Variants in POLDIP3 observed in about 807,000 individuals in gnomAD.
POLDIP3 encodes DNA polymerase delta interacting protein 3, also known as polymerase delta-interacting protein 3.
POLDIP3 carries 14 observed loss-of-function variants against 45.1 expected under a neutral mutation model. That is an observed-to-expected ratio of 0.31 (90% CI 0.20 to 0.49). The LOEUF (loss-of-function observed/expected upper bound fraction) is 0.49, where lower values mean the gene tolerates loss of function less well. Among genes scored for constraint, POLDIP3 ranks in the 20% least tolerant of loss-of-function variants. The pLI, the probability that POLDIP3 is intolerant of heterozygous loss-of-function variation, is 0.99. For synonymous variants in POLDIP3, 223 were observed against 205.2 expected (o/e 1.09, Z -0.74); for missense variants, 511 against 538.8 (o/e 0.95, Z 0.51).
At chr22:42,593,890 C>G (rs896412573) in intron 6 of POLDIP3, among the ~76,000 whole-genome samples, 1 of 152,176 alleles carries the variant, frequency 6.6e-6, no homozygotes, top group Non-Finnish European at 1.5e-5. Flanking sequence ...TCACGTGCAC[C>G]ATTCACAGTA....
In POLDIP3 at chr22:42,583,941, C is replaced by G. The variant is rs1925127236; in HGVS notation, c.*1850G>C. Reference sequence around the variant, plus strand: ...AGGCAAACAGGTCCCCTCAATGTACCAGATGGTCACCTATAGCACCAGCTC... The same window carrying G: ...AGGCAAACAGGTCCCCTCAATGTACGAGATGGTCACCTATAGCACCAGCTC... On this transcript the variant is annotated 3_prime_UTR_variant, in exon 9 of 9. Transcript: ENST00000252115. 6.6e-6 allele frequency: 1 copy of G among 152,244 alleles called. No individual in the cohort carries two copies. Among genetic ancestry groups the G allele is most frequent in the African/African-American group, 2.4e-5 (1 of 41,374 alleles). The allele number at this position is 152,244 out of a possible 1,614,324, so 9.4% of individuals were successfully genotyped here. A position where few individuals can be genotyped will look rare whatever the true frequency, so the allele number is the denominator to read the frequency against.
At chr22:42,594,779 G>A (rs1925881450) in intron 6 of POLDIP3, among the ~76,000 whole-genome samples, 1 of 152,184 alleles carries the variant, frequency 6.6e-6, no homozygotes, top group South Asian at 2.1e-4. Flanking sequence ...GGGTGGGACG[G>A]GATGGACCAG....
chr22:42,588,866 TC>T (rs1569295455), intron 7 of POLDIP3, among the ~76,000 whole-genome samples: 2 of 152,154 alleles, frequency 1.3e-5, no homozygotes, highest in Non-Finnish European at 2.9e-5. Context: ...AATCAGGTGA[TC>T]CGCCTGGCGG....
At chr22:42,586,182 A>G (rs903087833) in intron 8 of POLDIP3, among the ~76,000 whole-genome samples, 5 of 152,140 alleles carry the variant, frequency 3.3e-5, no homozygotes, top group African/African-American at 1.2e-4. Flanking sequence ...CAGCCTCCTA[A>G]GGAGCTAGGA....
chr22:42,588,199 T>G (rs573976072), intron 7 of POLDIP3, among the ~76,000 whole-genome samples: 25 of 152,294 alleles, frequency 1.6e-4, no homozygotes, highest in African/African-American at 6.0e-4. Context: ...CTCACGCCTG[T>G]AATCCCAGCA....
intron 6 of POLDIP3, among the ~76,000 whole-genome samples, chr22:42,592,751 TTA>T: frequency 6.6e-6 from 1 of 152,320 alleles, no homozygotes; most frequent in Non-Finnish European, 1.5e-5. Context: ...GAGATAATTT[TTA>T]AGGCAGTGCT....
intron 4 of POLDIP3, chr22:42,597,780 CTTTTTT>C (rs137103): frequency 7.4e-5 from 29 of 392,310 alleles, no homozygotes; most frequent in Admixed American, 1.3e-4. Context: ...TTCACGACCT[CTTTTTT>C]TTTTTTTTTT....
chr22:42,591,256 G>A (rs1255615202), intron 7 of POLDIP3, among the ~76,000 whole-genome samples: 1 of 152,148 alleles, frequency 6.6e-6, no homozygotes, highest in Admixed American at 6.5e-5. Context: ...ATGAAAAGGT[G>A]CTCAACATCA....
intron 5 of POLDIP3, among the ~76,000 whole-genome samples, chr22:42,595,947 T>G (rs914909194): frequency 2.6e-5 from 4 of 152,212 alleles, no homozygotes; most frequent in African/African-American, 9.7e-5. Context: ...GCCCTCCTAA[T>G]AGCTTTCTTC....
intron 6 of POLDIP3, among the ~76,000 whole-genome samples, chr22:42,594,288 A>C (rs1569297710): frequency 6.6e-6 from 1 of 152,028 alleles, no homozygotes; most frequent in African/African-American, 2.4e-5. Context: ...AGGTGGGTGG[A>C]TCATTTGAGG....
chr22:42,592,215 G>T, intron 6 of POLDIP3, 131 bp from the exon 7 acceptor site: 1 of 1,343,450 alleles, frequency 7.4e-7, no homozygotes, highest in Non-Finnish European at 1.0e-6. Flanking sequence ...CTGCGGGGAG[G>T]CTCCACGCGA....
chr22:42,601,533 CG>C (rs1190689012), intron 3 of POLDIP3, among the ~76,000 whole-genome samples: 1 of 151,992 alleles, frequency 6.6e-6, no homozygotes, highest in African/African-American at 2.4e-5. Context: ...GAGGCTGAGG[CG>C]GGGGGATCAC....
chr22:42,602,158 G>A (rs1203669419), intron 2 of POLDIP3, 102 bp from the exon 3 acceptor site: 1 of 1,580,684 alleles, frequency 6.3e-7, no homozygotes, highest in East Asian at 2.2e-5. Flanking sequence ...TGCAGCTTTG[G>A]TCTTTGGTAA....
chr22:42,607,351 G>C (rs959353478), intron 1 of POLDIP3, among the ~76,000 whole-genome samples: 3 of 152,272 alleles, frequency 2.0e-5, no homozygotes, highest in African/African-American at 7.2e-5. Context: ...GACCGCAAGT[G>C]ATCTGCCTGC....
chr22:42,590,767 G>A (rs1432558132), intron 7 of POLDIP3, among the ~76,000 whole-genome samples: 1 of 152,210 alleles, frequency 6.6e-6, no homozygotes, highest in Non-Finnish European at 1.5e-5. Flanking sequence ...CAAAGATTCT[G>A]TACAGGCATT....
intron 1 of POLDIP3, among the ~76,000 whole-genome samples, chr22:42,606,216 CT>C (rs879501512): frequency 3.0e-3 from 429 of 142,740 alleles, no homozygotes; most frequent in Middle Eastern, 3.9e-3. Context: ...TTCACACAGA[CT>C]TTTTTTTTTT....
chr22:42,587,682 G>T, intron 7 of POLDIP3, 110 bp from the exon 8 acceptor site: 1 of 1,025,048 alleles, frequency 9.8e-7, no homozygotes. Context: ...ACCACTGGCA[G>T]TTCTGGCTCC....
chr22:42,599,021 G>A (rs1926177304), intron 4 of POLDIP3, among the ~76,000 whole-genome samples: 1 of 152,232 alleles, frequency 6.6e-6, no homozygotes, highest in South Asian at 2.1e-4. Flanking sequence ...ACGGAATCCA[G>A]ACTCCAAGAG....
chr22:42,614,221 A>G (rs977213304), intron 1 of POLDIP3, among the ~76,000 whole-genome samples: 13 of 152,218 alleles, frequency 8.5e-5, no homozygotes, highest in Admixed American at 7.8e-4. Flanking sequence ...ATGAATAGCT[A>G]GCAGACAACA....
Sources: allele counts gnomAD v4.1 joint callset (sites outside exome capture counted in the v4.1 genomes callset), GRCh38; gene constraint gnomAD v4.1.1; transcripts MANE v1.5; gene names NCBI Gene and HGNC (gene_info 2026-07-23, HGNC 2026-07-21).